The following PCLO variants were observed in gnomAD, a reference collection of about 807,000 sequenced individuals.
The protein encoded by PCLO is protein piccolo.
A neutral mutation model predicts 427.5 loss-of-function variants in PCLO; 82 were observed. That is an observed-to-expected ratio of 0.19 (90% confidence interval 0.16 to 0.23). PCLO has a LOEUF of 0.23. PCLO is among the 10% of genes least tolerant of loss of function. The pLI is 1.00. For missense variants in PCLO, 6,239 were observed against 6,115.9 expected, an observed-to-expected ratio of 1.02 and a Z score of -0.67; for synonymous variants, 2,357 against 2,155.4, an observed-to-expected ratio of 1.09 and a Z score of -2.59.
chr7:82,981,682 T>C (rs1028685018), intron 3 of PCLO, among the ~76,000 whole-genome samples: 1 of 148,774 alleles, frequency 6.7e-6, no homozygotes, highest in African/African-American at 2.6e-5. Flanking sequence ...ATTGTTTTAC[T>C]TGTATTTAGG....
At chr7:82,899,802 A>C (rs916539348) in intron 9 of PCLO, among the ~76,000 whole-genome samples, 14 of 151,602 alleles carry the variant, frequency 9.2e-5, no homozygotes, top group African/African-American at 3.4e-4. Flanking sequence ...ATAATAACTA[A>C]AGAGTAGGAA....
At chr7:82,834,565 G>T (rs900202069) in intron 16 of PCLO, among the ~76,000 whole-genome samples, 1 of 152,118 alleles carries the variant, frequency 6.6e-6, no homozygotes, top group African/African-American at 2.4e-5. Flanking sequence ...AGACAAAAAC[G>T]AATGCTGTAC....
chr7:83,088,611 C>T (rs757185636), intron 3 of PCLO, among the ~76,000 whole-genome samples: 1 of 152,170 alleles, frequency 6.6e-6, no homozygotes, highest in Non-Finnish European at 1.5e-5. Flanking sequence ...ACTCTGCAAG[C>T]CCCTCACTGA....
At chr7:82,855,025 T>C (rs80343605) in intron 10 of PCLO, among the ~76,000 whole-genome samples, 9,223 of 152,224 alleles carry the variant, frequency 0.061, 380 homozygotes, top group East Asian at 0.15. Flanking sequence ...TCTGAGTACA[T>C]TGAAAGTATT....
Position 82,954,888 on chromosome 7 carries a change from G to A in PCLO, c.6065C>T (p.Ser2022Phe), listed in dbSNP as rs199643798. 1.1e-4 allele frequency: 182 copies of A among 1,613,844 alleles called. No individual in the cohort carries two copies. In the East Asian group the frequency reaches 2.1e-3, roughly 19 times the overall value. The change falls in exon 5 of 25, where the codon TCT becomes TTT. Residue 2022 changes from serine (S) to phenylalanine (F), a missense_variant. Transcript: ENST00000333891. ...KEFYELESLH[S>F]VVPQEDIVSS... is the part of the protein sequence containing the mutation. Reference sequence around the variant, plus strand: ...AACAATATCTTCCTGAGGCACAACAGAATGTAAGCTTTCTAACTCATAAAA... The same window carrying A: ...AACAATATCTTCCTGAGGCACAACAAAATGTAAGCTTTCTAACTCATAAAA...
At chr7:82,907,722 T>C (rs1273007791) in intron 8 of PCLO, among the ~76,000 whole-genome samples, 2 of 151,866 alleles carry the variant, frequency 1.3e-5, no homozygotes, top group African/African-American at 4.8e-5. Context: ...AAACTAAAGA[T>C]AGAAATTTAT....
intron 10 of PCLO, among the ~76,000 whole-genome samples, chr7:82,848,209 C>T (rs557708029): frequency 8.6e-5 from 13 of 151,794 alleles, no homozygotes; most frequent in African/African-American, 2.9e-4. Context: ...GTAGATGAAC[C>T]CATCCAAGAT....
At chr7:82,826,718 A>G (rs1791954763) in intron 17 of PCLO, 58 bp from the exon 18 acceptor site, 4 of 1,060,808 alleles carry the variant, frequency 3.8e-6, no homozygotes, top group Admixed American at 1.9e-5. Context: ...CATTTTCATT[A>G]CACACATACA....
At chr7:82,778,038 C>T (rs946005021) in intron 22 of PCLO, among the ~76,000 whole-genome samples, 2 of 152,080 alleles carry the variant, frequency 1.3e-5, no homozygotes, top group South Asian at 4.1e-4. Context: ...ATCTAATATC[C>T]AGCATCTATA....
At chr7:82,770,549 TA>T (rs148953822) in intron 22 of PCLO, among the ~76,000 whole-genome samples, 33 of 147,306 alleles carry the variant, frequency 2.2e-4, no homozygotes, top group Middle Eastern at 3.6e-3. Context: ...TAGAAATTTC[TA>T]AAAAAAAAAG....
intron 13 of PCLO, among the ~76,000 whole-genome samples, chr7:82,842,712 G>C (rs147913528): frequency 2.0e-5 from 3 of 151,680 alleles, no homozygotes; most frequent in African/African-American, 7.3e-5. Context: ...CTCAACAGCA[G>C]GAAAACAAAT....
chr7:83,155,757 T>G lies in PCLO; in HGVS notation c.884A>C (p.Lys295Thr). ...TTTGGATGGGCTTGGCAGTGAGGGT[T>G]TAACTGATTCTCCCCTTACTATGTC... ...QADIVRGESVKPSLPSPSKPP... is the reference protein window; with the variant it reads ...QADIVRGESVTPSLPSPSKPP... The change falls in exon 2 of 25, where the codon AAA becomes ACA. Residue 295 changes from lysine to threonine, a missense_variant. By Grantham distance (78) the Lys-to-Thr change is moderately conservative (BLOSUM62 -1). Transcript: ENST00000333891. The G allele has an allele frequency of 6.2e-7, 1 of 1,613,948 alleles. No individual in the cohort carries two copies. The highest frequency in any genetic ancestry group is 8.5e-7 in the Non-Finnish European group (1 of 1,179,854).
At chr7:83,120,149 T>C (rs1224166253) in intron 3 of PCLO, among the ~76,000 whole-genome samples, 2 of 152,026 alleles carry the variant, frequency 1.3e-5, no homozygotes, top group African/African-American at 4.8e-5. Context: ...ATGCCTGTAA[T>C]CCCAGAGCTT....
In PCLO at chr7:82,952,570, C is replaced by T; in HGVS notation, c.8383G>A (p.Val2795Met). The change falls in exon 5 of 25, where the codon GTG becomes ATG. Residue 2795 changes from valine (V) to methionine (M), a missense_variant. Around this residue, in one of 5 missense-constraint regions of PCLO, gnomAD observed 4,677 missense variants for 4,468.4 expected, o/e 1.05. Coordinates refer to ENST00000333891, the MANE Select transcript of PCLO (RefSeq NM_033026.6). ...CTAGCTGTGCATGTGACAAAGGTCACTGTCTCAGTGGCCAGAGATACAGGA... is the reference window on the plus strand; with the variant it reads ...CTAGCTGTGCATGTGACAAAGGTCATTGTCTCAGTGGCCAGAGATACAGGA... ...VTPVSLATET[V>M]TFVTCTASAS... 2 of 1,613,954 alleles carry T rather than the reference C, an allele frequency of 1.2e-6. No individual in the cohort carries two copies.
intron 3 of PCLO, among the ~76,000 whole-genome samples, chr7:83,024,245 C>G (rs959284188): frequency 6.6e-6 from 1 of 152,124 alleles, no homozygotes; most frequent in Non-Finnish European, 1.5e-5. Flanking sequence ...TCAGTGGGTG[C>G]GCGCACCATG....
Position 83,158,591 on chromosome 7 carries a change from ATTGTT to A in PCLO, c.249-2204_249-2200del, listed in dbSNP as rs1310861374. 7.2e-5 allele frequency among the ~76,000 whole-genome samples: 11 copies of A among 152,084 alleles called. No individual in the cohort carries two copies. In the South Asian group the frequency reaches 1.4e-3, roughly 20 times the overall value. ...AAATACTACTAAACTTATTTTAATC[ATTGTT>A]TTAATATTTCACTTAATCCATCATA... On this transcript the variant is annotated intron_variant, in intron 1 of 24. Transcript: ENST00000333891.
At chr7:82,984,060 T>G (rs187209560) in intron 3 of PCLO, among the ~76,000 whole-genome samples, 1 of 152,048 alleles carries the variant, frequency 6.6e-6, no homozygotes, top group Admixed American at 6.6e-5. Context: ...GAGAAAAAAA[T>G]GTTGCCTTTT....
At chr7:82,764,032 T>G (rs1325861679) in intron 22 of PCLO, among the ~76,000 whole-genome samples, 1 of 151,990 alleles carries the variant, frequency 6.6e-6, no homozygotes. Context: ...TGGTAATTAT[T>G]CAATATAATT....
chr7:82,949,949 C>T lies in PCLO; in HGVS notation c.10639G>A (p.Val3547Ile), dbSNP rs771497290. 1.9e-6 allele frequency: 3 copies of T among 1,613,584 alleles called. No homozygotes were observed. In the South Asian group the frequency reaches 3.3e-5, roughly 18 times the overall value. Residue 3547 changes from valine to isoleucine, a missense_variant, in exon 6 of 25, where the codon GTA becomes ATA. This residue lies in a region of PCLO where 4,677 missense variants were observed against 4,468.4 expected (regional missense o/e 1.05). Coordinates refer to ENST00000333891, the MANE Select transcript of PCLO (RefSeq NM_033026.6). ...PSIRARVDAKVEIIKHISAPE... is the reference protein window; with the variant it reads ...PSIRARVDAKIEIIKHISAPE... ...GCTGAAATGTGTTTAATTATTTCTACCTTGGCATCCACTCGTGCCCGTATG... is the reference window on the plus strand; with the variant it reads ...GCTGAAATGTGTTTAATTATTTCTATCTTGGCATCCACTCGTGCCCGTATG...
Sources: allele counts gnomAD v4.1 joint callset (sites outside exome capture counted in the v4.1 genomes callset), GRCh38; gene constraint gnomAD v4.1.1; regional missense constraint gnomAD v4.1.1; transcripts MANE v1.5; gene names NCBI Gene and HGNC (gene_info 2026-07-23, HGNC 2026-07-21).